PLEKHG1: variants seen among roughly 807,000 people sequenced by gnomAD.
PLEKHG1 encodes the protein pleckstrin homology and RhoGEF domain containing G1.
In PLEKHG1, 44 loss-of-function variants were observed where a neutral mutation model predicts 100.8. The observed-to-expected ratio is 0.44, with a 90% CI of 0.34 to 0.56. The LOEUF is 0.56. PLEKHG1 is among the 20% of genes least tolerant of loss of function. PLEKHG1 has a pLI of 0.01. For missense variants in PLEKHG1, 1,545 were observed against 1,720.9 expected (o/e 0.90, Z 1.81); for synonymous variants, 640 against 662.5 (o/e 0.97, Z 0.52).
intron 1 of PLEKHG1, among the ~76,000 whole-genome samples, chr6:150,622,537 G>T (rs1777341737): frequency 6.6e-6 from 1 of 152,018 alleles, no homozygotes. Context: ...TAGGTTACTG[G>T]GATGAACCCC....
At chr6:150,827,364 G>A (rs1776669617) in intron 14 of PLEKHG1, among the ~76,000 whole-genome samples, 3 of 148,836 alleles carry the variant, frequency 2.0e-5, no homozygotes, top group Admixed American at 6.8e-5. Flanking sequence ...TGCAACCTCC[G>A]CCTCCCGGGT....
intron 3 of PLEKHG1, among the ~76,000 whole-genome samples, chr6:150,776,178 A>C (rs1239794268): frequency 2.6e-5 from 4 of 152,224 alleles, no homozygotes; most frequent in African/African-American, 9.6e-5. Flanking sequence ...CAACTAAGGG[A>C]CCTGAGCTCA....
chr6:150,684,037 C>T (rs1030093594), intron 3 of PLEKHG1, among the ~76,000 whole-genome samples: 2 of 152,162 alleles, frequency 1.3e-5, no homozygotes, highest in South Asian at 2.1e-4. Flanking sequence ...ACTGTCTTCA[C>T]CCAACAGTCT....
At chr6:150,805,908 A>T (rs1344361439) in intron 7 of PLEKHG1, among the ~76,000 whole-genome samples, 1 of 152,164 alleles carries the variant, frequency 6.6e-6, no homozygotes, top group Non-Finnish European at 1.5e-5. Flanking sequence ...AATCTTAAGG[A>T]ACTTTTGACA....
intron 1 of PLEKHG1, among the ~76,000 whole-genome samples, chr6:150,611,793 C>G (rs1268205386): frequency 7.5e-6 from 1 of 133,198 alleles, no homozygotes; most frequent in African/African-American, 2.9e-5. Context: ...GCCTGGGTGA[C>G]AGAGTGAGAC....
chr6:150,641,779 G>T (rs1201195679), intron 2 of PLEKHG1, among the ~76,000 whole-genome samples: 1 of 142,340 alleles, frequency 7.0e-6, no homozygotes, highest in Non-Finnish European at 1.5e-5. Flanking sequence ...ATAGCCTCAG[G>T]ATAGATGTTA....
chr6:150,796,978 GT>G (rs1170795378), intron 5 of PLEKHG1, among the ~76,000 whole-genome samples: 2 of 151,734 alleles, frequency 1.3e-5, no homozygotes, highest in African/African-American at 2.4e-5. Flanking sequence ...GAGTTATGGG[GT>G]TTTTTTGTTT....
chr6:150,700,375 C>G (rs546680650), intron 3 of PLEKHG1, among the ~76,000 whole-genome samples: 1 of 152,258 alleles, frequency 6.6e-6, no homozygotes, highest in Admixed American at 6.5e-5. Flanking sequence ...CCTCAGGCCC[C>G]ACTCCAGCCC....
intron 3 of PLEKHG1, among the ~76,000 whole-genome samples, chr6:150,711,138 ATGAGGACTTAAAATTC>A (rs1781228353): frequency 6.6e-6 from 1 of 152,208 alleles, no homozygotes; most frequent in Non-Finnish European, 1.5e-5. Flanking sequence ...GTAAGTTGGC[ATGAGGACTTAAAATTC>A]TGAAGCCACT....
intron 3 of PLEKHG1, among the ~76,000 whole-genome samples, chr6:150,670,877 CT>C (rs1417756674): frequency 7.6e-4 from 110 of 145,610 alleles, no homozygotes; most frequent in African/African-American, 2.5e-3. Flanking sequence ...TTGCCCCCCC[CT>C]CCCATTCTTT....
intron 1 of PLEKHG1, among the ~76,000 whole-genome samples, chr6:150,637,197 C>T (rs767931094): frequency 2.0e-5 from 3 of 152,122 alleles, no homozygotes; most frequent in Non-Finnish European, 4.4e-5. Flanking sequence ...AACCTAAAGC[C>T]ATTATGCAAA....
intron 8 of PLEKHG1, 23 bp from the exon 10 acceptor site, chr6:150,809,358 C>A (rs566847972): frequency 6.2e-7 from 1 of 1,610,256 alleles, no homozygotes; most frequent in East Asian, 2.2e-5. Flanking sequence ...TGTGCCTCAC[C>A]CTCTCTGCTC....
At chr6:150,720,032 C>CT (rs1781602590), upstream of PLEKHG1, among the ~76,000 whole-genome samples, 1 of 152,200 alleles carries the variant, frequency 6.6e-6, no homozygotes, top group African/African-American at 2.4e-5. Context: ...GAATGATCTG[C>CT]TAGTGGTGTT....
At chr6:150,726,623 G>C (rs1781976660) in intron 1 of PLEKHG1, among the ~76,000 whole-genome samples, 1 of 152,060 alleles carries the variant, frequency 6.6e-6, no homozygotes, top group African/African-American at 2.4e-5. Flanking sequence ...AAGACTAATA[G>C]ATTTACATGG....
rs566168586 is a variant in PLEKHG1 at position 150,800,623 on chromosome 6, C to T, written c.630-96C>T. ...TGACCACAGCTCTGGAGCTACCCTACTCATTTTAGGGCATTTACACTTGCA... is the reference window on the plus strand; with the variant it reads ...TGACCACAGCTCTGGAGCTACCCTATTCATTTTAGGGCATTTACACTTGCA... On this transcript the variant is annotated intron_variant, in intron 5 of 15. Coordinates refer to ENST00000358517, the Ensembl canonical transcript of PLEKHG1. The T allele has an allele frequency of 3.5e-6, 4 of 1,137,558 alleles. No individual in the cohort carries two copies. In the East Asian group the frequency reaches 9.5e-5, roughly 27 times the overall value. The allele number at this position is 1,137,558 out of a possible 1,614,324, so 70.5% of individuals were successfully genotyped here.
chr6:150,797,162 A>G (rs1291217190), intron 5 of PLEKHG1, among the ~76,000 whole-genome samples: 1 of 152,016 alleles, frequency 6.6e-6, no homozygotes, highest in East Asian at 1.9e-4. Context: ...AGTTATCTTA[A>G]GGACCAGCCA....
chr6:150,825,086 A>T (rs1455707081), intron 14 of PLEKHG1, among the ~76,000 whole-genome samples: 1 of 152,096 alleles, frequency 6.6e-6, no homozygotes, highest in African/African-American at 2.4e-5. Context: ...AGTTCTAGAG[A>T]TTCAGTCTCA....
intron 1 of PLEKHG1, among the ~76,000 whole-genome samples, chr6:150,610,456 C>T (rs969610094): frequency 3.3e-5 from 5 of 152,168 alleles, no homozygotes; most frequent in African/African-American, 4.8e-5. Context: ...GTCCACCTTC[C>T]CTCACTAGAC....
chr6:150,638,112 T>C (rs1029913707), exon 2 of PLEKHG1: 4 of 152,246 alleles, frequency 2.6e-5, no homozygotes, highest in African/African-American at 9.6e-5. Flanking sequence ...GATATTGCCC[T>C]GGCCCTTAAG....
Sources: gnomAD v4.1 joint callset for allele counts (sites outside exome capture counted in the v4.1 genomes callset) on GRCh38, gnomAD v4.1.1 for gene constraint, MANE v1.5 for transcripts, NCBI Gene and HGNC (gene_info 2026-07-23, HGNC 2026-07-21) for gene names.